The following UBE4B variants were observed in gnomAD, a reference collection of about 807,000 sequenced individuals.
UBE4B encodes ubiquitination factor E4B, also known as ubiquitin conjugation factor E4 B.
In UBE4B, 27 loss-of-function variants were observed where a neutral mutation model predicts 148.1. The ratio of observed to expected loss-of-function variants is 0.18; its 90% CI spans 0.13 to 0.25. The LOEUF is 0.25. Ranked by LOEUF, UBE4B falls within the 10% of genes least tolerant of loss-of-function variation. UBE4B has a pLI of 1.00. For synonymous variants in UBE4B, 596 were observed against 619.3 expected (o/e 0.96, Z 0.56); for missense variants, 1,170 against 1,662.4 (o/e 0.70, Z 5.15).
intron 1 of UBE4B, among the ~76,000 whole-genome samples, chr1:10,049,221 GCTGA>G (rs1643977234): frequency 6.6e-6 from 1 of 152,178 alleles, no homozygotes; most frequent in Non-Finnish European, 1.5e-5. Flanking sequence ...GGTACTGAGG[GCTGA>G]CTATGTGGAG....
chr1:10,179,887 T>G lies in UBE4B; in HGVS notation c.3848-8T>G. ...GGGGCATTAATCCTCCTTTTTTTCT[T>G]TTCTCAGTGCCAGAACTGAAAGAGC... On this transcript the variant is annotated splice_polypyrimidine_tract_variant and splice_region_variant and intron_variant, in intron 27 of 27. Transcript: ENST00000343090. 2.5e-6 allele frequency: 4 copies of G among 1,613,710 alleles called. No individual in the cohort carries two copies. The highest frequency in any genetic ancestry group is 3.4e-6 in the Non-Finnish European group (4 of 1,179,978).
intron 4 of UBE4B, among the ~76,000 whole-genome samples, chr1:10,101,525 T>C (rs1301150402): frequency 1.6e-5 from 2 of 127,430 alleles, no homozygotes; most frequent in Admixed American, 1.5e-4. Context: ...TTTTTTTTTT[T>C]TGAGACAGAG....
In UBE4B at chr1:10,045,649, G is replaced by A. The variant is rs537889228; in HGVS notation, c.24+11955G>A. 7.2e-5 allele frequency among the ~76,000 whole-genome samples: 11 copies of A among 152,346 alleles called. No individual in the cohort carries two copies. In the East Asian group the frequency reaches 1.9e-3, roughly 27 times the overall value. On this transcript the variant is annotated intron_variant, in intron 1 of 27. Transcript: ENST00000343090. ...TGCCCTCCTGGGCATTCTGGCTGCT[G>A]TGAAGAGAATAGATAAGGAGGAAAG... is the stretch of plus-strand genomic sequence containing the variant.
chr1:10,169,509 C>CA (rs1286048441), intron 24 of UBE4B, among the ~76,000 whole-genome samples: 2 of 152,214 alleles, frequency 1.3e-5, no homozygotes, highest in African/African-American at 4.8e-5. Context: ...CAAAACAGCT[C>CA]AGACACTGGC....
rs1319175278 is a variant in UBE4B at position 10,135,067 on chromosome 1, A to G, written c.2105A>G (p.Lys702Arg). ...CTGCAGCAGCTAAGTACAAAAATCA[A>G]GTTAGAAACAGTTGATCCCACGTAT... The part of the protein sequence containing the change: ...WVLQQLSTKI[K>R]LETVDPTYIF... Residue 702 changes from lysine to arginine, a missense_variant, in exon 16 of 28, where the codon AAG (lysine) becomes AGG (arginine). Lys to Arg is a conservative substitution (Grantham distance 26). Coordinates refer to ENST00000343090, the MANE Select transcript of UBE4B (RefSeq NM_001105562.3). The G allele has an allele frequency of 1.2e-6, 2 of 1,614,204 alleles. No homozygotes were observed. The highest frequency in any genetic ancestry group is 1.7e-6 in the Non-Finnish European group (2 of 1,180,038).
intron 23 of UBE4B, among the ~76,000 whole-genome samples, chr1:10,167,238 G>A (rs1043439723): frequency 1.6e-4 from 24 of 151,770 alleles, no homozygotes; most frequent in African/African-American, 5.1e-4. Flanking sequence ...TCAGGAGTTC[G>A]AGACCAGCCT....
intron 11 of UBE4B, chr1:10,128,748 A>AT (rs1389262163): frequency 6.6e-6 from 1 of 152,346 alleles, no homozygotes; most frequent in Non-Finnish European, 1.5e-5. Flanking sequence ...CTGCGTCCGA[A>AT]TCACAGAGGA....
At chr1:10,103,407 ATTTATTTATT>A (rs1394417324) in intron 5 of UBE4B, among the ~76,000 whole-genome samples, 1 of 64,528 alleles carries the variant, frequency 1.5e-5, no homozygotes, top group Non-Finnish European at 3.2e-5. Context: ...CTCTTTATTT[ATTTATTTATT>A]TATTTATTTA....
chr1:10,107,731 C>A (rs1645141689), intron 7 of UBE4B, among the ~76,000 whole-genome samples: 1 of 151,996 alleles, frequency 6.6e-6, no homozygotes, highest in Non-Finnish European at 1.5e-5. Context: ...GCACCCGCCA[C>A]CATGCCCGGC....
chr1:10,119,023 C>T (rs868137428), intron 8 of UBE4B, among the ~76,000 whole-genome samples: 8 of 151,496 alleles, frequency 5.3e-5, no homozygotes, highest in Middle Eastern at 3.5e-3. Context: ...GCTGGGACTA[C>T]AGGCGTGCAC....
intron 10 of UBE4B, among the ~76,000 whole-genome samples, chr1:10,125,513 T>C (rs976521085): frequency 1.3e-5 from 2 of 152,256 alleles, no homozygotes; most frequent in East Asian, 1.9e-4. Flanking sequence ...CTGTGTTTTA[T>C]ACTGTGCTCT....
intron 21 of UBE4B, 62 bp from the exon 22 acceptor site, chr1:10,158,294 A>C: frequency 3.8e-6 from 6 of 1,581,512 alleles, no homozygotes; most frequent in Non-Finnish European, 5.2e-6. Context: ...TGTTGGGGCA[A>C]TAACTGGATT....
In UBE4B at chr1:10,171,406, G is replaced by A. The variant is rs192904996; in HGVS notation, c.3525+77G>A. 201 of 1,518,172 alleles carry A rather than the reference G, an allele frequency of 1.3e-4. 3 individuals are homozygous for A. In the Admixed American group the frequency reaches 3.4e-3, roughly 26 times the overall value. The allele number at this position is 1,518,172 out of a possible 1,614,324, so 94.0% of individuals were successfully genotyped here. On this transcript the variant is annotated intron_variant, in intron 25 of 27. Coordinates refer to ENST00000343090, the MANE Select transcript of UBE4B (RefSeq NM_001105562.3). ...AATAACCACAGTGGCCAGGGAACTCGTCTGGTGTAAATGAAGATGAGTGGG... is the reference window on the plus strand; with the variant it reads ...AATAACCACAGTGGCCAGGGAACTCATCTGGTGTAAATGAAGATGAGTGGG...
chr1:10,179,991 C>A lies in UBE4B; in HGVS notation c.*35C>A, dbSNP rs370473673. 9.5e-5 allele frequency: 153 copies of A among 1,612,630 alleles called. No homozygotes were observed. The highest frequency in any genetic ancestry group is 1.2e-4 in the Non-Finnish European group (141 of 1,179,510). ...CCGCCCACCCTCTGCTAGACACAGC[C>A]AAGGCCAACGAGGCAAGCAGAAGCA... On this transcript the variant is annotated 3_prime_UTR_variant, in exon 28 of 28. Transcript: ENST00000343090.
rs1260321399 is a variant in UBE4B at position 10,180,936 on chromosome 1, AAG to A, written c.*983_*984del. ...GATGTGTTTGGCCTTACCAAAGCAA[AAG>A]AGGGTGCAAGAATGTGGGAGTATGT... On this transcript the variant is annotated 3_prime_UTR_variant, in exon 28 of 28. Coordinates refer to ENST00000343090, the MANE Select transcript of UBE4B (RefSeq NM_001105562.3). 1.3e-5 allele frequency: 2 copies of A among 152,510 alleles called. No homozygotes were observed. The highest frequency in any genetic ancestry group is 2.9e-5 in the Non-Finnish European group (2 of 68,022). 9.4% of individuals were successfully genotyped at this position (152,510 alleles called of 1,614,324 possible). A position where few individuals can be genotyped will look rare whatever the true frequency, so the allele number is the denominator to read the frequency against.
intron 2 of UBE4B, among the ~76,000 whole-genome samples, chr1:10,074,189 C>T (rs1278487704): frequency 6.6e-6 from 1 of 152,062 alleles, no homozygotes; most frequent in Non-Finnish European, 1.5e-5. Flanking sequence ...CATCCATCTG[C>T]CTACCTGTAT....
At chr1:10,095,763 A>C (rs1205731345) in intron 3 of UBE4B, among the ~76,000 whole-genome samples, 167 bp downstream of exon 3, 1 of 152,142 alleles carries the variant, frequency 6.6e-6, no homozygotes, top group Non-Finnish European at 1.5e-5. Context: ...ATTATTCAGA[A>C]ATATTCTTCA....
intron 23 of UBE4B, among the ~76,000 whole-genome samples, chr1:10,163,887 C>T (rs1437985372): frequency 1.3e-5 from 2 of 151,186 alleles, no homozygotes; most frequent in South Asian, 2.1e-4. Flanking sequence ...CCACCACGTC[C>T]GGCTAATTTT....
chr1:10,120,601 C>A (rs1363774732), intron 9 of UBE4B, among the ~76,000 whole-genome samples: 1 of 152,060 alleles, frequency 6.6e-6, no homozygotes, highest in Non-Finnish European at 1.5e-5. Flanking sequence ...CTTTGAGAGG[C>A]CAAGGCAGAT....
Sources: allele counts gnomAD v4.1 joint callset (sites outside exome capture counted in the v4.1 genomes callset), GRCh38; gene constraint gnomAD v4.1.1; transcripts MANE v1.5; gene names NCBI Gene and HGNC (gene_info 2026-07-23, HGNC 2026-07-21).